The following FRAS1 variants were observed in gnomAD, a reference collection of about 807,000 sequenced individuals.
The protein encoded by FRAS1 is Fraser extracellular matrix complex subunit 1, also known as extracellular matrix organizing protein FRAS1.
A neutral mutation model predicts 435.2 loss-of-function variants in FRAS1; 290 were observed. That is an observed-to-expected ratio of 0.67 (90% CI 0.61 to 0.73). FRAS1 has a LOEUF of 0.73. FRAS1 is among the 30% of genes least tolerant of loss of function. The pLI is 0.00. For missense variants in FRAS1, 4,860 were observed against 5,001.5 expected, an observed-to-expected ratio of 0.97 and a Z score of 0.85; for synonymous variants, 1,800 against 1,851.0, an observed-to-expected ratio of 0.97 and a Z score of 0.71.
At chr4:78,258,290 G>A (rs971947814) in intron 6 of FRAS1, among the ~76,000 whole-genome samples, 63 of 151,006 alleles carry the variant, frequency 4.2e-4, no homozygotes, top group African/African-American at 1.3e-3. Context: ...GCAGTGAGCC[G>A]TGATCATGTC....
At position 78,475,483 on chromosome 4, in the gene FRAS1, G is replaced by A. The variant is rs780476606; in HGVS notation, c.7728G>A (p.Gln2576=). 1.9e-6 allele frequency: 3 copies of A among 1,613,962 alleles called. No homozygotes were observed. Among genetic ancestry groups the A allele is most frequent in the Admixed American group, 1.7e-5 (1 of 60,018 alleles). ...EKAGSVSVTV[Q]RTGNLNQYAI... is the part of the protein sequence containing the mutation. The stretch of plus-strand genomic sequence containing the variant: ...CAGGGTCTGTCAGTGTCACGGTGCA[G>A]AGGACTGGGAACCTGAACCAATATG... Residue 2576 remains glutamine, a synonymous_variant, in exon 54 of 74, where the codon CAG becomes CAA. Coordinates refer to ENST00000512123, the MANE Select transcript of FRAS1 (RefSeq NM_025074.7).
intron 20 of FRAS1, among the ~76,000 whole-genome samples, chr4:78,343,437 C>T (rs1220951381): frequency 9.5e-6 from 1 of 104,990 alleles, no homozygotes; most frequent in Non-Finnish European, 1.9e-5. Flanking sequence ...CTCCCTCCCT[C>T]CCTCTCTCTC....
chr4:78,356,996 A>T (rs408224), intron 20 of FRAS1, among the ~76,000 whole-genome samples: 25,799 of 151,990 alleles, frequency 0.17, 2,888 homozygotes, highest in African/African-American at 0.32. Flanking sequence ...AGGTACCGAG[A>T]GGCTCTTTTG....
At position 78,534,429 on chromosome 4, in the gene FRAS1, T is replaced by C. The variant is rs1300637550; in HGVS notation, c.10926-20T>C. On this transcript the variant is annotated intron_variant, in intron 70 of 73. Coordinates refer to ENST00000512123, the MANE Select transcript of FRAS1 (RefSeq NM_025074.7). ...GCTGACCCTGCTCTCAAAGAGCTCT[T>C]TGTTTCTCCTTGCATTTAGATTCCT... 6.2e-7 allele frequency: 1 copy of C among 1,604,680 alleles called. No homozygotes were observed. The highest frequency in any genetic ancestry group is 8.5e-7 in the Non-Finnish European group (1 of 1,174,828).
intron 2 of FRAS1, 51 bp from the exon 3 acceptor site, chr4:78,237,459 C>T (rs1724808351): frequency 3.1e-6 from 4 of 1,303,998 alleles, no homozygotes; most frequent in Non-Finnish European, 4.4e-6. Context: ...CTTTTGTGTG[C>T]TCATACCTTG....
At chr4:78,532,531 T>C (rs1245439989) in intron 70 of FRAS1, among the ~76,000 whole-genome samples, 1 of 152,154 alleles carries the variant, frequency 6.6e-6, no homozygotes, top group Non-Finnish European at 1.5e-5. Flanking sequence ...ATGATAAGAG[T>C]ACCTGAAATC....
chr4:78,325,420 G>A (rs1729679082), intron 18 of FRAS1, among the ~76,000 whole-genome samples: 1 of 152,208 alleles, frequency 6.6e-6, no homozygotes, highest in Admixed American at 6.5e-5. Flanking sequence ...TACGTGGGCA[G>A]GAATCTGCCT....
chr4:78,296,437 A>C (rs184682604), intron 14 of FRAS1, among the ~76,000 whole-genome samples: 53 of 152,174 alleles, frequency 3.5e-4, no homozygotes, highest in Non-Finnish European at 6.3e-4. Flanking sequence ...GATGGCTCAG[A>C]TCTCTTTGGA....
chr4:78,258,637 A>T (rs61689102), intron 6 of FRAS1, among the ~76,000 whole-genome samples: 3,587 of 93,540 alleles, frequency 0.038, 156 homozygotes, highest in African/African-American at 0.12. Flanking sequence ...TTTTTTTTTT[A>T]GATATTCTTT....
intron 28 of FRAS1, among the ~76,000 whole-genome samples, chr4:78,386,533 T>G (rs1328431139): frequency 6.6e-6 from 1 of 152,138 alleles, no homozygotes; most frequent in African/African-American, 2.4e-5. Flanking sequence ...GGAGGGTGCT[T>G]GGGTAGTTTT....
At chr4:78,153,659 A>G (rs1342739830) in intron 2 of FRAS1, among the ~76,000 whole-genome samples, 3 of 152,154 alleles carry the variant, frequency 2.0e-5, no homozygotes, top group Non-Finnish European at 2.9e-5. Context: ...ATTAATTTCT[A>G]AAAATAGTAG....
At chr4:78,329,997 T>G (rs345500) in intron 18 of FRAS1, among the ~76,000 whole-genome samples, 1 of 151,974 alleles carries the variant, frequency 6.6e-6, no homozygotes, top group African/African-American at 2.4e-5. Context: ...GTGTCAAAAT[T>G]GAGAGAATGA....
At position 78,260,473 on chromosome 4, in the gene FRAS1, C is replaced by T. The variant is rs533693918; in HGVS notation, c.604-4552C>T. 9.5e-4 allele frequency among the ~76,000 whole-genome samples: 144 copies of T among 151,990 alleles called. 1 individual carries two copies. Among genetic ancestry groups the T allele is most frequent in the Non-Finnish European group, 1.5e-3 (99 of 67,922 alleles). ...TTATTCTCTTTGAAGCAATTGTGAACGGGAGTTCACTCATGATTTGGCTCT... is the reference window on the plus strand; with the variant it reads ...TTATTCTCTTTGAAGCAATTGTGAATGGGAGTTCACTCATGATTTGGCTCT... On this transcript the variant is annotated intron_variant, in intron 6 of 73. Coordinates refer to ENST00000512123, the MANE Select transcript of FRAS1 (RefSeq NM_025074.7).
intron 2 of FRAS1, among the ~76,000 whole-genome samples, chr4:78,114,650 A>G (rs1435182170): frequency 6.6e-6 from 1 of 152,154 alleles, no homozygotes; most frequent in Non-Finnish European, 1.5e-5. Flanking sequence ...GGTGTATAAG[A>G]ATGCTTGTGA....
At chr4:78,225,392 G>A (rs1353575439) in intron 2 of FRAS1, among the ~76,000 whole-genome samples, 1 of 152,178 alleles carries the variant, frequency 6.6e-6, no homozygotes, top group Non-Finnish European at 1.5e-5. Flanking sequence ...TTTCATGGAG[G>A]AGGAACCAGA....
At chr4:78,156,703 T>A (rs1358530775) in intron 2 of FRAS1, among the ~76,000 whole-genome samples, 3 of 152,236 alleles carry the variant, frequency 2.0e-5, no homozygotes, top group Non-Finnish European at 2.9e-5. Context: ...GATGACTGAA[T>A]TGAATGATTC....
intron 30 of FRAS1, among the ~76,000 whole-genome samples, chr4:78,403,734 C>T (rs1159161937): frequency 6.6e-6 from 1 of 152,128 alleles, no homozygotes; most frequent in Non-Finnish European, 1.5e-5. Flanking sequence ...CTGTTAAACT[C>T]ATCATAAGTT....
chr4:78,123,237 T>A (rs1578139236), intron 2 of FRAS1, among the ~76,000 whole-genome samples: 1 of 152,160 alleles, frequency 6.6e-6, no homozygotes, highest in Non-Finnish European at 1.5e-5. Flanking sequence ...ATAGGGAATC[T>A]TTTCCCCATT....
intron 42 of FRAS1, 70 bp from the exon 43 acceptor site, chr4:78,446,657 C>G (rs959292170): frequency 2.7e-5 from 41 of 1,546,040 alleles, no homozygotes; most frequent in East Asian, 1.4e-4. Flanking sequence ...ATGATACTGT[C>G]TCTGAATAAT....
Sources: allele counts gnomAD v4.1 joint callset (sites outside exome capture counted in the v4.1 genomes callset), GRCh38; gene constraint gnomAD v4.1.1; transcripts MANE v1.5; gene names NCBI Gene and HGNC (gene_info 2026-07-23, HGNC 2026-07-21).